Variants in ERG observed in about 807,000 individuals in gnomAD.
ERG encodes the protein ETS transcription factor ERG.
ERG carries 9 observed loss-of-function variants against 55.3 expected under a neutral mutation model. The ratio of observed to expected loss-of-function variants is 0.16; its 90% CI spans 0.10 to 0.28. The LOEUF (loss-of-function observed/expected upper bound fraction) is 0.28, where lower values mean the gene tolerates loss of function less well. ERG is among the 10% of genes least tolerant of loss of function. ERG has a pLI of 1.00. For synonymous variants in ERG, 223 were observed against 237.3 expected (o/e 0.94, Z 0.55); for missense variants, 434 against 631.6 (o/e 0.69, Z 3.35).
intron 9 of ERG, among the ~76,000 whole-genome samples, chr21:38,384,495 G>A (rs546101528): frequency 7.9e-5 from 12 of 152,228 alleles, no homozygotes; most frequent in Admixed American, 2.0e-4. Context: ...GCAAAGTTCA[G>A]GCTGCTTCCA....
intron 2 of ERG, among the ~76,000 whole-genome samples, chr21:38,536,059 A>G (rs1286255032): frequency 6.6e-6 from 1 of 152,130 alleles, no homozygotes; most frequent in Non-Finnish European, 1.5e-5. Context: ...TATGTGGGCC[A>G]TGGACCATGA....
chr21:38,547,460 G>A (rs1419748540), intron 2 of ERG, among the ~76,000 whole-genome samples: 2 of 152,136 alleles, frequency 1.3e-5, no homozygotes, highest in Admixed American at 6.5e-5. Flanking sequence ...AAGAGGGAAC[G>A]CTGCCTCTAA....
intron 1 of ERG, among the ~76,000 whole-genome samples, chr21:38,593,940 A>C (rs1478510677): frequency 1.3e-5 from 2 of 152,058 alleles, no homozygotes; most frequent in African/African-American, 4.8e-5. Context: ...AAAATCAAGC[A>C]GCATTAAAAG....
chr21:38,630,612 G>A (rs2060351116), intron 1 of ERG, among the ~76,000 whole-genome samples: 1 of 152,228 alleles, frequency 6.6e-6, no homozygotes, highest in South Asian at 2.1e-4. Flanking sequence ...GGGCAATGTT[G>A]ACTTTGTTCT....
chr21:38,574,233 C>T (rs1338799010), intron 2 of ERG, among the ~76,000 whole-genome samples: 4 of 152,204 alleles, frequency 2.6e-5, no homozygotes, highest in East Asian at 3.8e-4. Flanking sequence ...CTTTCTCCCA[C>T]TTTACTTGTG....
chr21:38,616,420 C>A (rs948362198), intron 1 of ERG, among the ~76,000 whole-genome samples: 1 of 151,616 alleles, frequency 6.6e-6, no homozygotes, highest in East Asian at 1.9e-4. Flanking sequence ...ATTTTTGTCT[C>A]AATAATTTTG....
At chr21:38,375,777 C>A (rs770573901), downstream of ERG, among the ~76,000 whole-genome samples, 33 of 152,176 alleles carry the variant, frequency 2.2e-4, no homozygotes, top group Non-Finnish European at 3.5e-4. Context: ...TAACACTCCA[C>A]AGGAGTCACA....
intron 1 of ERG, among the ~76,000 whole-genome samples, chr21:38,619,771 T>C (rs78540424): frequency 0.025 from 3,847 of 152,366 alleles, 50 homozygotes; most frequent in East Asian, 0.05. Context: ...TGTAGCATCA[T>C]TGTCATCACT....
intron 9 of ERG, among the ~76,000 whole-genome samples, chr21:38,386,801 T>A (rs1011692699): frequency 6.7e-6 from 1 of 149,956 alleles, no homozygotes; most frequent in African/African-American, 2.5e-5. Flanking sequence ...TTTTTTTTTT[T>A]ACTCTCTCTT....
chr21:38,551,802 G>A (rs56080396), intron 2 of ERG, among the ~76,000 whole-genome samples: 1 of 151,910 alleles, frequency 6.6e-6, no homozygotes, highest in Non-Finnish European at 1.5e-5. Flanking sequence ...TAGGTGAAAA[G>A]AATGCATATT....
chr21:38,575,874 C>G, intron 1 of ERG: 1 of 711,352 alleles, frequency 1.4e-6, no homozygotes, highest in Non-Finnish European at 2.4e-6. Context: ...ACATGTTTGC[C>G]TAAAGGCATC....
Position 38,416,312 on chromosome 21 carries a change from G to A in ERG, c.388+7098C>T, listed in dbSNP as rs151264542. ...GAAGACGGTCGATGGTCAGGTCTAT[G>A]GCCCCAGTGGCCCCAAAAGGGATCC... On this transcript the variant is annotated intron_variant, in intron 3 of 9. Transcript: ENST00000288319. Among the ~76,000 whole-genome samples, 17 of 152,348 alleles carry A rather than the reference G, an allele frequency of 1.1e-4. No homozygotes were observed. The East Asian group carries it at 3.3e-3, about 29-fold the overall frequency.
At chr21:38,520,622 G>A (rs1174662789) in intron 2 of ERG, among the ~76,000 whole-genome samples, 1 of 152,146 alleles carries the variant, frequency 6.6e-6, no homozygotes, top group African/African-American at 2.4e-5. Flanking sequence ...ATGCACAAAG[G>A]AAAGCTGGGA....
At chr21:38,583,576 G>C (rs1307415242) in intron 1 of ERG, among the ~76,000 whole-genome samples, 1 of 152,200 alleles carries the variant, frequency 6.6e-6, no homozygotes, top group African/African-American at 2.4e-5. Context: ...TATAGCTATG[G>C]GTTGAATTGT....
At chr21:38,622,442 C>T (rs1045159642) in intron 1 of ERG, among the ~76,000 whole-genome samples, 2 of 150,014 alleles carry the variant, frequency 1.3e-5, no homozygotes, top group Non-Finnish European at 3.0e-5. Flanking sequence ...ACACCCCCCA[C>T]ACATGACATA....
intron 1 of ERG, among the ~76,000 whole-genome samples, chr21:38,647,190 C>T (rs913255909): frequency 2.0e-5 from 3 of 152,168 alleles, no homozygotes; most frequent in African/African-American, 7.2e-5. Context: ...TTTCAGGCCA[C>T]GTTCTAAACA....
chr21:38,461,152 CTCTGGAA>C (rs918303652), intron 1 of ERG, among the ~76,000 whole-genome samples: 5 of 152,194 alleles, frequency 3.3e-5, no homozygotes, highest in African/African-American at 1.2e-4. Flanking sequence ...TCTCTCATGG[CTCTGGAA>C]GCTGGAAGTC....
At chr21:38,436,607 G>T (rs546972142) in intron 2 of ERG, among the ~76,000 whole-genome samples, 5 of 152,310 alleles carry the variant, frequency 3.3e-5, no homozygotes, top group Admixed American at 3.3e-4. Flanking sequence ...GTGGTCATCC[G>T]TAAATGTGAA....
chr21:38,427,434 G>A (rs17230519), intron 2 of ERG, among the ~76,000 whole-genome samples: 3,565 of 152,272 alleles, frequency 0.023, 55 homozygotes, highest in Non-Finnish European at 0.031. Flanking sequence ...TCTGTTTTGG[G>A]AGCTTAATAG....
Sources: gnomAD v4.1 joint callset for allele counts (sites outside exome capture counted in the v4.1 genomes callset) on GRCh38, gnomAD v4.1.1 for gene constraint, MANE v1.5 for transcripts, NCBI Gene and HGNC (gene_info 2026-07-23, HGNC 2026-07-21) for gene names.